Variants in GRID1 observed in about 807,000 individuals in gnomAD.
The protein encoded by GRID1 is glutamate receptor ionotropic, delta-1.
A neutral mutation model predicts 98.0 loss-of-function variants in GRID1; 28 were observed. The observed-to-expected ratio is 0.29, with a 90% CI of 0.21 to 0.39. GRID1 has a LOEUF of 0.39. Ranked by LOEUF, GRID1 falls within the 10% of genes least tolerant of loss-of-function variation. GRID1 has a pLI of 1.00. For missense variants in GRID1, 1,111 were observed against 1,340.5 expected, an observed-to-expected ratio of 0.83 and a Z score of 2.67; for synonymous variants, 553 against 538.5, an observed-to-expected ratio of 1.03 and a Z score of -0.37.
intron 2 of GRID1, among the ~76,000 whole-genome samples, chr10:86,296,438 T>C (rs186029526): frequency 9.8e-4 from 150 of 152,316 alleles, no homozygotes; most frequent in Non-Finnish European, 1.8e-3. Flanking sequence ...GGTTATACAA[T>C]AAATTAAAAG....
chr10:85,899,759 T>G (rs1040981905), intron 5 of GRID1, among the ~76,000 whole-genome samples: 7 of 152,256 alleles, frequency 4.6e-5, no homozygotes, highest in African/African-American at 9.6e-5. Context: ...CAGATCCCCA[T>G]GGGCCTCACA....
chr10:86,239,592 T>C (rs529383291), intron 2 of GRID1, among the ~76,000 whole-genome samples: 3 of 152,066 alleles, frequency 2.0e-5, no homozygotes, highest in African/African-American at 7.2e-5. Context: ...TGGTGGGAGG[T>C]GATTGGATCA....
At chr10:86,149,563 A>G (rs1464397837) in intron 3 of GRID1, among the ~76,000 whole-genome samples, 1 of 152,276 alleles carries the variant, frequency 6.6e-6, no homozygotes, top group African/African-American at 2.4e-5. Flanking sequence ...AAACAAACAC[A>G]GGGAAAAACA....
At chr10:86,070,376 G>A (rs1843786401) in intron 4 of GRID1, among the ~76,000 whole-genome samples, 1 of 152,176 alleles carries the variant, frequency 6.6e-6, no homozygotes. Context: ...CTCTACCAGA[G>A]AGTGTCTTTC....
In GRID1 at chr10:85,599,802, A is replaced by AAAAAAAAAAAAATATATATATAT; in HGVS notation, c.*2470_*2471insATATATATATATTTTTTTTTTTT. ...GTAGAAAATTCTAAAAAAAAAAAAA[A>AAAAAAAAAAAAATATATATATAT]ATATATATATATATATATAAACATG... On this transcript the variant is annotated 3_prime_UTR_variant, in exon 16 of 16. Coordinates refer to ENST00000327946, the MANE Select transcript of GRID1 (RefSeq NM_017551.3). 3.1e-5 allele frequency: 2 copies of AAAAAAAAAAAAATATATATATAT among 64,982 alleles called. No homozygotes were observed. The highest frequency in any genetic ancestry group is 9.3e-5 in the African/African-American group (1 of 10,732). The allele number at this position is 64,982 out of a possible 1,614,324, so 4.0% of individuals were successfully genotyped here.
At chr10:86,237,375 G>A (rs1259292383) in intron 2 of GRID1, among the ~76,000 whole-genome samples, 2 of 152,164 alleles carry the variant, frequency 1.3e-5, no homozygotes, top group South Asian at 2.1e-4. Context: ...ACAATAATGA[G>A]TGAATTTTCG....
chr10:86,326,446 T>C (rs1381849233), intron 2 of GRID1, among the ~76,000 whole-genome samples: 1 of 152,210 alleles, frequency 6.6e-6, no homozygotes, highest in South Asian at 2.1e-4. Flanking sequence ...TAATCAAATG[T>C]ATGAAAGTTT....
At chr10:85,849,047 A>G (rs531425535) in intron 8 of GRID1, among the ~76,000 whole-genome samples, 1 of 151,888 alleles carries the variant, frequency 6.6e-6, no homozygotes. Context: ...CCCCCTCCTC[A>G]CTGCTGTGCC....
In GRID1 at chr10:85,879,085, T is replaced by C. The variant is rs981250628; in HGVS notation, c.781-9905A>G. ...AGAAGAGCTAACTATCCTAAATATA[T>C]ATGCACCCAATACAGGAGCATCCAG... On this transcript the variant is annotated intron_variant, in intron 5 of 15. Transcript: ENST00000327946. Among the ~76,000 whole-genome samples, 16 of 152,202 alleles carry C rather than the reference T, an allele frequency of 1.1e-4. 1 individual carries two copies. Among genetic ancestry groups the C allele is most frequent in the Middle Eastern group, 3.4e-3 (1 of 294 alleles).
chr10:86,363,435 C>G (rs911441634), intron 2 of GRID1, among the ~76,000 whole-genome samples: 2 of 152,228 alleles, frequency 1.3e-5, no homozygotes, highest in Admixed American at 1.3e-4. Context: ...CTCTGGGGGC[C>G]GCGGGGCGCG....
chr10:86,069,792 T>C (rs926109837), intron 4 of GRID1, among the ~76,000 whole-genome samples: 7 of 152,236 alleles, frequency 4.6e-5, no homozygotes, highest in Non-Finnish European at 1.0e-4. Context: ...AGCCAGCGTC[T>C]TCATTTCCTG....
At chr10:86,287,277 T>C (rs1847445296) in intron 2 of GRID1, among the ~76,000 whole-genome samples, 1 of 152,166 alleles carries the variant, frequency 6.6e-6, no homozygotes, top group Admixed American at 6.5e-5. Context: ...CCTGAGGGAC[T>C]GGAAGTTCCT....
rs74406376 is a variant in GRID1, at chr10:85,863,411, G to A, written c.951+5599C>T. ...ACTGTCACCTTGGGGATTAGGTTTC[G>A]ACATGGAAATTTTGGAGGGATACAA... On this transcript the variant is annotated intron_variant, in intron 6 of 15. Coordinates refer to ENST00000327946, the MANE Select transcript of GRID1 (RefSeq NM_017551.3). Among the ~76,000 whole-genome samples, 483 of 152,268 alleles carry A rather than the reference G, an allele frequency of 3.2e-3. 1 individual carries two copies. Among genetic ancestry groups the A allele is most frequent in the African/African-American group, 0.011 (445 of 41,540 alleles).
At chr10:86,240,235 C>T (rs12570826) in intron 2 of GRID1, among the ~76,000 whole-genome samples, 6,496 of 152,318 alleles carry the variant, frequency 0.043, 254 homozygotes, top group Admixed American at 0.11. Context: ...GACACTGTAC[C>T]TGAGGCCCAT....
Position 86,366,252 on chromosome 10 carries a change from GCGCACC to G in GRID1, c.79+56_79+61del. On this transcript the variant is annotated intron_variant, in intron 1 of 15. Coordinates refer to ENST00000327946, the MANE Select transcript of GRID1 (RefSeq NM_017551.3). The surrounding 1 kb of genome is among the most constrained non-coding windows in gnomAD (Gnocchi z 4.1). ...CAGGGAAACGCCAAGTTTGGACGCC[GCGCACC>G]CCCTGCCCCGTTGGGGCCCCCGCCC... 1 of 1,216,828 alleles carries G rather than the reference GCGCACC, an allele frequency of 8.2e-7. No individual in the cohort carries two copies. Among genetic ancestry groups the G allele is most frequent in the Middle Eastern group, 2.5e-4 (1 of 4,040 alleles). 75.4% of individuals were successfully genotyped at this position (1,216,828 alleles called of 1,614,324 possible).
chr10:86,185,706 CAT>C (rs1845717073), intron 3 of GRID1, among the ~76,000 whole-genome samples: 1 of 152,176 alleles, frequency 6.6e-6, no homozygotes, highest in African/African-American at 2.4e-5. Context: ...AATGCTACAA[CAT>C]AATCATACGT....
rs529128562 is a variant in GRID1 at position 86,281,802 on chromosome 10, A to C, written c.236-75154T>G. Among the ~76,000 whole-genome samples, 3 of 152,252 alleles carry C rather than the reference A, an allele frequency of 2.0e-5. No homozygotes were observed. In the East Asian group the frequency reaches 5.8e-4, roughly 30 times the overall value. The stretch of plus-strand genomic sequence containing the variant: ...ATTGATCAGAGCTTGAGCACACTTT[A>C]AAAGCTCTCCCAGATGATTCTGCTG... On this transcript the variant is annotated intron_variant, in intron 2 of 15. Coordinates refer to ENST00000327946, the MANE Select transcript of GRID1 (RefSeq NM_017551.3).
rs777924056 is a variant in GRID1 at position 85,869,179 on chromosome 10, T to C, written c.782A>G (p.Glu261Gly). The change falls in exon 6 of 16, where the codon GAA becomes GGA. Residue 261 changes from glutamate to glycine, a missense_variant and splice_region_variant. Glu to Gly is a moderately conservative substitution (Grantham distance 98). Around this residue, in one of 3 missense-constraint regions of GRID1, gnomAD observed 346 missense variants for 452.3 expected, o/e 0.76. Coordinates refer to ENST00000327946, the MANE Select transcript of GRID1 (RefSeq NM_017551.3). ...ATCCAGGATCTCCGGGTCACTGATT[T>C]CCTAGAAAAATAACCAGGCCCATGC... ...KDSHWVFVNE[E>G]ISDPEILDLV... 1.2e-6 allele frequency: 2 copies of C among 1,612,966 alleles called. No individual in the cohort carries two copies. The highest frequency in any genetic ancestry group is 1.7e-6 in the Non-Finnish European group (2 of 1,178,974).
intron 2 of GRID1, among the ~76,000 whole-genome samples, chr10:86,303,586 C>T (rs1847720076): frequency 6.6e-6 from 1 of 152,204 alleles, no homozygotes. Context: ...TCCTGCCATT[C>T]CATGAGGTGG....
Sources: allele counts gnomAD v4.1 joint callset (sites outside exome capture counted in the v4.1 genomes callset), GRCh38; gene constraint gnomAD v4.1.1; regional missense constraint gnomAD v4.1.1; non-coding constraint Gnocchi (gnomAD v3.1); transcripts MANE v1.5; gene names NCBI Gene and HGNC (gene_info 2026-07-23, HGNC 2026-07-21).